Variants in ARMC10 observed in about 807,000 individuals in gnomAD.
The protein encoded by ARMC10 is armadillo repeat-containing protein 10.
A neutral mutation model predicts 30.2 loss-of-function variants in ARMC10; 23 were observed. That is an observed-to-expected ratio of 0.76 (90% CI 0.55 to 1.08). ARMC10 has a LOEUF of 1.08. Ranked by LOEUF, ARMC10 falls within the 50% of genes least tolerant of loss-of-function variation. The probability of loss-of-function intolerance (pLI) is 0.00; values close to 1 mark genes in which losing one functional copy is unlikely to be tolerated. For missense variants in ARMC10, 303 were observed against 413.7 expected, an observed-to-expected ratio of 0.73 and a Z score of 2.32; for synonymous variants, 111 against 164.4, an observed-to-expected ratio of 0.68 and a Z score of 2.48.
chr7:103,082,833 C>T (rs1375407843), intron 2 of ARMC10, among the ~76,000 whole-genome samples: 4 of 152,018 alleles, frequency 2.6e-5, no homozygotes, highest in African/African-American at 9.7e-5. Flanking sequence ...CATCATTGAG[C>T]AGATCCAGCA....
At chr7:103,079,487 T>A (rs1014368276) in intron 2 of ARMC10, among the ~76,000 whole-genome samples, 1 of 152,220 alleles carries the variant, frequency 6.6e-6, no homozygotes, top group Non-Finnish European at 1.5e-5. Context: ...AGCATCCTTA[T>A]CAAACTCAAG....
intron 4 of ARMC10, among the ~76,000 whole-genome samples, chr7:103,091,800 C>T (rs930157145): frequency 1.3e-5 from 2 of 152,198 alleles, no homozygotes; most frequent in Non-Finnish European, 2.9e-5. Flanking sequence ...GTGTTAACAG[C>T]ATGATCTCTG....
Position 103,092,633 on chromosome 7 carries a change from AC to A in ARMC10, c.686del (p.Thr229MetfsTer11), listed in dbSNP as rs1200524626. The A allele has an allele frequency of 1.3e-6, 2 of 1,572,574 alleles. No homozygotes were observed. Among genetic ancestry groups the A allele is most frequent in the African/African-American group, 2.7e-5 (2 of 74,364 alleles). ...YITDLFQVLL[T>X]GNGNTKVQVL... The stretch of plus-strand genomic sequence containing the variant: ...TACAGACCTGTTCCAGGTGTTACTT[AC>A]TGGAAATGGAAACACGAAGGTATGA... On this transcript the variant is annotated frameshift_variant, in exon 5 of 7. Coordinates refer to ENST00000323716, the MANE Select transcript of ARMC10 (RefSeq NM_031905.5). LOFTEE classifies it high-confidence loss of function.
intron 1 of ARMC10, 72 bp from the exon 2 acceptor site, chr7:103,075,705 A>C: frequency 2.5e-6 from 3 of 1,179,842 alleles, no homozygotes; most frequent in East Asian, 2.8e-5. Context: ...CCTTTGTGTA[A>C]CTAAAGGGAT....
At chr7:103,081,526 C>T (rs1326706177) in intron 2 of ARMC10, among the ~76,000 whole-genome samples, 1 of 152,128 alleles carries the variant, frequency 6.6e-6, no homozygotes, top group East Asian at 1.9e-4. Flanking sequence ...GCATCCTGCA[C>T]CACGCCTGGC....
intron 5 of ARMC10, among the ~76,000 whole-genome samples, chr7:103,095,389 T>C (rs1288202630): frequency 6.6e-6 from 1 of 152,234 alleles, no homozygotes; most frequent in Non-Finnish European, 1.5e-5. Context: ...CCACCGCACC[T>C]GGCCAAAAAT....
At chr7:103,081,487 T>A (rs1185643860) in intron 2 of ARMC10, among the ~76,000 whole-genome samples, 2 of 152,212 alleles carry the variant, frequency 1.3e-5, no homozygotes, top group Non-Finnish European at 2.9e-5. Context: ...TTTTCCCGCC[T>A]CGGCCTCCCG....
intron 2 of ARMC10, among the ~76,000 whole-genome samples, chr7:103,081,133 G>GT (rs1205354496): frequency 2.0e-5 from 3 of 152,188 alleles, no homozygotes; most frequent in Non-Finnish European, 4.4e-5. Flanking sequence ...TAGCAGATGA[G>GT]TAAACTGAGG....
chr7:103,094,745 AG>A (rs1801626481), intron 5 of ARMC10, among the ~76,000 whole-genome samples: 1 of 152,212 alleles, frequency 6.6e-6, no homozygotes, highest in Non-Finnish European at 1.5e-5. Context: ...GCACTAAAGA[AG>A]GGTCAGAAGT....
intron 2 of ARMC10, among the ~76,000 whole-genome samples, chr7:103,077,585 G>T (rs756490429): frequency 1.3e-5 from 2 of 152,120 alleles, no homozygotes; most frequent in Non-Finnish European, 2.9e-5. Flanking sequence ...ATTCATTCAT[G>T]AGGACAGACC....
At position 103,075,831 on chromosome 7, in the gene ARMC10, C is replaced by A. The variant is rs991849418; in HGVS notation, c.194C>A (p.Pro65His). 5 of 1,611,318 alleles carry A rather than the reference C, an allele frequency of 3.1e-6. No homozygotes were observed. Among genetic ancestry groups the A allele is most frequent in the African/African-American group, 2.7e-5 (2 of 74,876 alleles). The change falls in exon 2 of 7, where the codon CCT becomes CAT. Residue 65 changes from proline to histidine, a missense_variant. Pro to His is a moderately conservative substitution (Grantham distance 77). Coordinates refer to ENST00000323716, the MANE Select transcript of ARMC10 (RefSeq NM_031905.5). ...EGQLCGRSAR[P>H]QTGGTWESQW... The stretch of plus-strand genomic sequence containing the variant: ...CAGTTGTGCGGGCGCTCGGCCCGGC[C>A]TCAGACGGGAGGTACCTGGGAGTCA...
chr7:103,075,170 C>T lies in ARMC10; in HGVS notation c.-103C>T. 2 of 809,210 alleles carry T rather than the reference C, an allele frequency of 2.5e-6. No homozygotes were observed. The highest frequency in any genetic ancestry group is 1.2e-4 in the South Asian group (2 of 17,082). The allele number at this position is 809,210 out of a possible 1,614,324, so 50.1% of individuals were successfully genotyped here. On this transcript the variant is annotated 5_prime_UTR_variant, in exon 1 of 7. Transcript: ENST00000323716. The stretch of plus-strand genomic sequence containing the variant: ...CTTTCTCCACATCCAGGTCAGGTGG[C>T]GTTTGCTGTGGCGGCTAGGCCCGCG...
chr7:103,077,020 C>G (rs1311957947), intron 2 of ARMC10, among the ~76,000 whole-genome samples: 1 of 152,138 alleles, frequency 6.6e-6, no homozygotes, highest in African/African-American at 2.4e-5. Flanking sequence ...CCTCACCCCA[C>G]TAAGTAACTA....
chr7:103,080,802 A>G (rs1440665476), intron 2 of ARMC10, among the ~76,000 whole-genome samples: 1 of 151,294 alleles, frequency 6.6e-6, no homozygotes, highest in East Asian at 1.9e-4. Context: ...TAATTTTTGT[A>G]TTTTTAGTAG....
intron 2 of ARMC10, among the ~76,000 whole-genome samples, chr7:103,082,672 C>T (rs1005671697): frequency 3.9e-5 from 6 of 152,110 alleles, no homozygotes; most frequent in Admixed American, 2.6e-4. Context: ...GATTTGAGAT[C>T]ATGTAACACC....
chr7:103,088,726 G>T, intron 4 of ARMC10: 1 of 194,628 alleles, frequency 5.1e-6, no homozygotes, highest in East Asian at 1.4e-4. Context: ...TCATGAGCCT[G>T]GGCCACCTCT....
At position 103,086,626 on chromosome 7, in the gene ARMC10, G is replaced by A. The variant is rs373032426; in HGVS notation, c.394-4G>A. ...CTGCTTTTTTTTTTTTTTTCCCCTCGTAGGCTATTATTCGTGAATTGGGTG... is the reference window on the plus strand; with the variant it reads ...CTGCTTTTTTTTTTTTTTTCCCCTCATAGGCTATTATTCGTGAATTGGGTG... On this transcript the variant is annotated splice_polypyrimidine_tract_variant and splice_region_variant and intron_variant, in intron 3 of 6. Transcript: ENST00000323716. 6 of 1,558,960 alleles carry A rather than the reference G, an allele frequency of 3.8e-6. No individual in the cohort carries two copies. Among genetic ancestry groups the A allele is most frequent in the East Asian group, 4.6e-5 (2 of 43,088 alleles).
At chr7:103,096,312 G>A (rs1801755218) in intron 5 of ARMC10, 1 of 152,140 alleles carries the variant, frequency 6.6e-6, no homozygotes, top group Non-Finnish European at 1.5e-5. Flanking sequence ...ACCAGCTTCA[G>A]CAATATAGTG....
intron 4 of ARMC10, among the ~76,000 whole-genome samples, chr7:103,090,697 G>T (rs1035602443): frequency 6.8e-6 from 1 of 146,710 alleles, no homozygotes; most frequent in African/African-American, 2.6e-5. Context: ...GGGTCTCACC[G>T]TGTTGACCAG....
Sources: allele counts gnomAD v4.1 joint callset (sites outside exome capture counted in the v4.1 genomes callset), GRCh38; gene constraint gnomAD v4.1.1; transcripts MANE v1.5; gene names NCBI Gene and HGNC (gene_info 2026-07-23, HGNC 2026-07-21).